OTOF: variants seen among roughly 807,000 people sequenced by gnomAD.
OTOF encodes the protein fer-1-like family member 2.
In OTOF, 218 loss-of-function variants were observed where a neutral mutation model predicts 236.8. The observed-to-expected ratio is 0.92, with a 90% CI of 0.82 to 1.03. The LOEUF (loss-of-function observed/expected upper bound fraction) is 1.03, where lower values mean the gene tolerates loss of function less well. OTOF is among the 50% of genes least tolerant of loss of function. The pLI, the probability that OTOF is intolerant of heterozygous loss-of-function variation, is 0.00. For missense variants in OTOF, 2,590 were observed against 2,694.4 expected, an observed-to-expected ratio of 0.96 and a Z score of 0.86; for synonymous variants, 1,041 against 1,072.5, an observed-to-expected ratio of 0.97 and a Z score of 0.57.
At chr2:26,475,858 T>C in intron 24 of OTOF, 56 bp downstream of exon 24, 1 of 1,555,520 alleles carries the variant, frequency 6.4e-7, no homozygotes, top group Non-Finnish European at 8.7e-7. Context: ...CCCCACAGGC[T>C]CACAGGCTTC....
At chr2:26,479,790 T>C in intron 16 of OTOF, 137 bp from the exon 17 acceptor site, 1 of 811,246 alleles carries the variant, frequency 1.2e-6, no homozygotes, top group Non-Finnish European at 2.0e-6. Flanking sequence ...GACACATCAT[T>C]AGCCAGAGAG....
Position 26,501,739 on chromosome 2 carries a change from C to T in OTOF, c.765+15G>A, listed in dbSNP as rs1666120082. On this transcript the variant is annotated intron_variant, in intron 8 of 46. Transcript: ENST00000272371. Reference sequence around the variant, plus strand: ...CAGAGTCTGAAAGACATGAGGCCTCCAGGTGCCCACCTACCTGGTAATCCA... The same window carrying T: ...CAGAGTCTGAAAGACATGAGGCCTCTAGGTGCCCACCTACCTGGTAATCCA... The T allele has an allele frequency of 1.2e-6, 2 of 1,602,272 alleles. No homozygotes were observed. The highest frequency in any genetic ancestry group is 1.7e-6 in the Non-Finnish European group (2 of 1,169,142).
rs372085440 is a variant in OTOF, at chr2:26,477,718, A to T, written c.2246T>A (p.Ile749Asn). Residue 749 changes from isoleucine (I) to asparagine (N), a missense_variant, in exon 19 of 47, where the codon ATC (isoleucine) becomes AAC (asparagine). This residue lies in a region of OTOF where 1,379 missense variants were observed against 1,341.6 expected (regional missense o/e 1.03). Coordinates refer to ENST00000272371, the MANE Select transcript of OTOF (RefSeq NM_194248.3). The surrounding 1 kb of genome is among the most constrained non-coding windows in gnomAD (Gnocchi z 4.7). ...CTCAGGGTAGGACTTCTCCGTTTTG[A>T]TCATCTCCTGTATGTCGTTCAGGCC... ...EEGLNDIQEM[I>N]KTEKSYPERR... 3.4e-5 allele frequency: 55 copies of T among 1,612,444 alleles called. No homozygotes were observed. The highest frequency in any genetic ancestry group is 4.6e-5 in the Non-Finnish European group (54 of 1,179,952).
intron 4 of OTOF, among the ~76,000 whole-genome samples, chr2:26,518,593 G>GA (rs1666593757): frequency 6.6e-6 from 1 of 152,270 alleles, no homozygotes; most frequent in Admixed American, 6.5e-5. Flanking sequence ...GCTGGGATGT[G>GA]ACAAACAATA....
rs1391036580 is a variant in OTOF at position 26,478,095 on chromosome 2, G to A, written c.2215-346C>T. The stretch of plus-strand genomic sequence containing the variant: ...AGAGGGAAACCCTAGGACTGGATGT[G>A]CCAAGATCCTGACGTCACTCCAGAA... On this transcript the variant is annotated intron_variant, in intron 18 of 46. Transcript: ENST00000272371. 5.2e-6 allele frequency: 7 copies of A among 1,336,940 alleles called. No homozygotes were observed. The East Asian group carries it at 1.6e-4, about 31-fold the overall frequency. 82.8% of individuals were successfully genotyped at this position (1,336,940 alleles called of 1,614,324 possible).
At position 26,460,790 on chromosome 2, in the gene OTOF, G is replaced by A. The variant is rs1272840657; in HGVS notation, c.5713-43C>T. The A allele has an allele frequency of 1.2e-6, 2 of 1,613,326 alleles. No homozygotes were observed. Among genetic ancestry groups the A allele is most frequent in the Non-Finnish European group, 1.7e-6 (2 of 1,179,462 alleles). The stretch of plus-strand genomic sequence containing the variant: ...GTCCCAGCGTCCAGGCTGCGTGCTG[G>A]GCCCTTGGCACCCCAGCCAGTCCCA... On this transcript the variant is annotated intron_variant, in intron 44 of 46. Transcript: ENST00000272371. The surrounding 1 kb of genome is among the most constrained non-coding windows in gnomAD (Gnocchi z 5.3).
chr2:26,507,384 A>G (rs968588061), intron 5 of OTOF, among the ~76,000 whole-genome samples: 2 of 152,242 alleles, frequency 1.3e-5, no homozygotes, highest in Non-Finnish European at 2.9e-5. Context: ...TTGCAGCACC[A>G]GTTCCCAGAA....
intron 22 of OTOF, 76 bp from the exon 23 acceptor site, chr2:26,476,393 C>A (rs1244411535): frequency 1.1e-5 from 16 of 1,408,974 alleles, no homozygotes; most frequent in Admixed American, 3.6e-5. Context: ...CAGGGGCCGG[C>A]AGAGGCCCTG....
intron 11 of OTOF, 131 bp downstream of exon 11, chr2:26,489,080 T>C (rs1048773655): frequency 4.1e-6 from 3 of 724,734 alleles, no homozygotes; most frequent in African/African-American, 3.5e-5. Context: ...GATGGCTGTG[T>C]GTACTAACAG....
Position 26,516,464 on chromosome 2 carries a change from C to T in OTOF, c.463G>A (p.Gly155Ser). ...DSQETDGLLP[G>S]SRPSSRPPGE... ...GGGGGCCGGGAGCTGGGCCGGGAGC[C>T]TGGGAGCAGTCCATCCGTCTCTTGG... The change falls in exon 5 of 47, where the codon GGC becomes AGC. Residue 155 changes from glycine (G) to serine (S), a missense_variant. By Grantham distance (56) the Gly-to-Ser change is moderately conservative. Coordinates refer to ENST00000272371, the MANE Select transcript of OTOF (RefSeq NM_194248.3). 2 of 1,613,976 alleles carry T rather than the reference C, an allele frequency of 1.2e-6. No homozygotes were observed. Among genetic ancestry groups the T allele is most frequent in the Non-Finnish European group, 1.7e-6 (2 of 1,180,006 alleles).
chr2:26,527,570 T>C (rs1464447607), intron 3 of OTOF, among the ~76,000 whole-genome samples: 2 of 152,060 alleles, frequency 1.3e-5, no homozygotes, highest in Non-Finnish European at 2.9e-5. Context: ...TTTGATGGGG[T>C]TGGAGACAGC....
intron 26 of OTOF, 135 bp from the exon 27 acceptor site, chr2:26,474,245 G>T: frequency 8.1e-7 from 1 of 1,233,726 alleles, no homozygotes; most frequent in Non-Finnish European, 1.1e-6. Flanking sequence ...GTCAGGATGG[G>T]TAGGAGAGAG....
At position 26,473,300 on chromosome 2, in the gene OTOF, G is replaced by T. The variant is rs397517944; in HGVS notation, c.3571-6C>A. The T allele has an allele frequency of 1.2e-5, 19 of 1,613,184 alleles. No homozygotes were observed. The Admixed American group carries it at 2.8e-4, about 24-fold the overall frequency. ...AGCTCGTTCTCTGGGAGGTCCTGGG[G>T]TGTTGGCGACAGGAGCCTGAGCCTC... is the stretch of plus-strand genomic sequence containing the variant. On this transcript the variant is annotated splice_region_variant and splice_polypyrimidine_tract_variant and intron_variant, in intron 28 of 46. Transcript: ENST00000272371. The surrounding 1 kb of genome is among the most constrained non-coding windows in gnomAD (Gnocchi z 7.2).
At chr2:26,523,024 G>T (rs1005927373) in intron 3 of OTOF, among the ~76,000 whole-genome samples, 1 of 152,222 alleles carries the variant, frequency 6.6e-6, no homozygotes, top group Non-Finnish European at 1.5e-5. Flanking sequence ...ACAATAGAGC[G>T]GCAACTGGGC....
intron 11 of OTOF, among the ~76,000 whole-genome samples, chr2:26,484,870 A>C (rs970649339): frequency 1.3e-5 from 2 of 152,080 alleles, no homozygotes; most frequent in Admixed American, 6.6e-5. Flanking sequence ...GAGTGGTGTG[A>C]CTTGGAAGCA....
In OTOF at chr2:26,462,465, A is replaced by G. The variant is rs1664527545; in HGVS notation, c.5193-284T>C. The stretch of plus-strand genomic sequence containing the variant: ...AGAGAAGTCTGCATTTAAGCCCAGT[A>G]GCCAGCAATGGAAGCCCATGGAAGC... On this transcript the variant is annotated intron_variant, in intron 41 of 46. Coordinates refer to ENST00000272371, the MANE Select transcript of OTOF (RefSeq NM_194248.3). The surrounding 1 kb of genome is among the most constrained non-coding windows in gnomAD (Gnocchi z 4.7). Among the ~76,000 whole-genome samples the G allele has an allele frequency of 6.6e-6, 1 of 152,212 alleles. No individual in the cohort carries two copies. Among genetic ancestry groups the G allele is most frequent in the South Asian group, 2.1e-4 (1 of 4,830 alleles).
At chr2:26,475,864 G>T in intron 24 of OTOF, 50 bp downstream of exon 24, 1 of 1,560,666 alleles carries the variant, frequency 6.4e-7, no homozygotes, top group Non-Finnish European at 8.7e-7. Flanking sequence ...AGGCTCACAG[G>T]CTTCTGGTGC....
At chr2:26,476,347 C>G (rs1162188572) in intron 22 of OTOF, 30 bp from the exon 23 acceptor site, 1 of 1,595,184 alleles carries the variant, frequency 6.3e-7, no homozygotes, top group East Asian at 2.2e-5. Context: ...CACCAGGAGC[C>G]TGACGGCTGC....
intron 6 of OTOF, 77 bp from the exon 7 acceptor site, chr2:26,502,503 C>A (rs1344017774): frequency 3.4e-6 from 5 of 1,466,818 alleles, no homozygotes; most frequent in Non-Finnish European, 4.7e-6. Flanking sequence ...ACTCTGGCAT[C>A]CAGAAAGCTG....
Sources: gnomAD v4.1 joint callset for allele counts (sites outside exome capture counted in the v4.1 genomes callset) on GRCh38, gnomAD v4.1.1 for gene constraint, gnomAD v4.1.1 regional missense constraint, Gnocchi (gnomAD v3.1) non-coding constraint, MANE v1.5 for transcripts, NCBI Gene and HGNC (gene_info 2026-07-23, HGNC 2026-07-21) for gene names.